NRXN3: variants seen among roughly 807,000 people sequenced by gnomAD.
NRXN3 encodes the protein neurexin III.
Under a neutral mutation model 137.6 loss-of-function variants are expected in NRXN3, and 32 were observed. That is an observed-to-expected ratio of 0.23 (90% CI 0.18 to 0.31). The LOEUF is 0.31. Among genes scored for constraint, NRXN3 ranks in the 10% least tolerant of loss-of-function variants. The pLI is 1.00. For missense variants in NRXN3, 1,574 were observed against 2,062.5 expected (o/e 0.76, Z 4.59); for synonymous variants, 798 against 784.5 (o/e 1.02, Z -0.29).
intron 20 of NRXN3, among the ~76,000 whole-genome samples, chr14:79,807,805 T>A (rs1475548294): frequency 6.6e-6 from 1 of 152,190 alleles, no homozygotes; most frequent in African/African-American, 2.4e-5. Context: ...AGAATGAGCA[T>A]TGCATTTTTC....
At chr14:79,745,274 C>T (rs2098976184) in intron 19 of NRXN3, among the ~76,000 whole-genome samples, 2 of 152,058 alleles carry the variant, frequency 1.3e-5, no homozygotes, top group Admixed American at 1.3e-4. Flanking sequence ...TATGCAAGAC[C>T]TTCTGTAGCT....
chr14:78,284,911 A>G (rs987627169), intron 3 of NRXN3, among the ~76,000 whole-genome samples: 5 of 152,316 alleles, frequency 3.3e-5, no homozygotes, highest in African/African-American at 9.6e-5. Context: ...CACTTCACCA[A>G]TGAAGAACCT....
At chr14:79,068,969 T>G (rs765141876) in intron 15 of NRXN3, among the ~76,000 whole-genome samples, 1 of 152,064 alleles carries the variant, frequency 6.6e-6, no homozygotes, top group Non-Finnish European at 1.5e-5. Context: ...GATTAACTTG[T>G]TAATACTAGC....
At chr14:78,415,284 G>T (rs559186861) in intron 4 of NRXN3, among the ~76,000 whole-genome samples, 10 of 152,296 alleles carry the variant, frequency 6.6e-5, no homozygotes, top group African/African-American at 2.4e-4. Context: ...GTCTTTACCA[G>T]TTATTTTAAT....
intron 15 of NRXN3, among the ~76,000 whole-genome samples, chr14:79,261,849 G>A (rs2077652685): frequency 6.6e-6 from 1 of 152,078 alleles, no homozygotes; most frequent in African/African-American, 2.4e-5. Flanking sequence ...GAGGGGCTCT[G>A]GGACTTTGAG....
chr14:78,632,276 G>C (rs1041250684), intron 4 of NRXN3, among the ~76,000 whole-genome samples: 1 of 152,082 alleles, frequency 6.6e-6, no homozygotes, highest in Non-Finnish European at 1.5e-5. Context: ...ATACCTCTAA[G>C]TTTTTGCTGA....
At chr14:79,224,885 A>G (rs1169540755) in intron 15 of NRXN3, among the ~76,000 whole-genome samples, 1 of 152,216 alleles carries the variant, frequency 6.6e-6, no homozygotes, top group Admixed American at 6.5e-5. Context: ...GACTATGGCC[A>G]TGCTCACATC....
At chr14:79,674,835 A>T (rs2098631908) in intron 17 of NRXN3, among the ~76,000 whole-genome samples, 1 of 152,070 alleles carries the variant, frequency 6.6e-6, no homozygotes, top group Non-Finnish European at 1.5e-5. Flanking sequence ...CATTAGAGAA[A>T]TGTGTTTTTC....
chr14:79,295,419 C>G (rs990534481), intron 15 of NRXN3, among the ~76,000 whole-genome samples: 16 of 152,096 alleles, frequency 1.1e-4, no homozygotes, highest in African/African-American at 3.9e-4. Flanking sequence ...AAATAAAAAG[C>G]ACTCTTTCAA....
chr14:79,267,802 T>C (rs1296442891), intron 15 of NRXN3, among the ~76,000 whole-genome samples: 1 of 152,184 alleles, frequency 6.6e-6, no homozygotes, highest in African/African-American at 2.4e-5. Context: ...ATCACAACTA[T>C]TGGGAGTATT....
At chr14:78,839,071 C>G (rs540472920) in intron 10 of NRXN3, among the ~76,000 whole-genome samples, 1 of 152,222 alleles carries the variant, frequency 6.6e-6, no homozygotes, top group East Asian at 1.9e-4. Context: ...GTGCTAGAGA[C>G]AGATACTAAA....
At chr14:78,370,297 A>G (rs541945281) in intron 4 of NRXN3, among the ~76,000 whole-genome samples, 1 of 123,220 alleles carries the variant, frequency 8.1e-6, no homozygotes, top group East Asian at 2.4e-4. Context: ...AGAATTTCCC[A>G]ATTTTACTGA....
intron 6 of NRXN3, among the ~76,000 whole-genome samples, chr14:78,666,359 C>A (rs542606137): frequency 6.6e-6 from 1 of 151,780 alleles, no homozygotes; most frequent in Non-Finnish European, 1.5e-5. Flanking sequence ...TTCCAGGAGA[C>A]GGTAGGGAAA....
intron 20 of NRXN3, among the ~76,000 whole-genome samples, chr14:79,859,041 G>A (rs1404546067): frequency 1.3e-5 from 2 of 150,116 alleles, no homozygotes; most frequent in South Asian, 4.2e-4. Flanking sequence ...TGAATCTTTG[G>A]CAAATCTGCA....
chr14:79,667,206 G>A (rs563984962), intron 17 of NRXN3, among the ~76,000 whole-genome samples: 1 of 152,150 alleles, frequency 6.6e-6, no homozygotes, highest in Non-Finnish European at 1.5e-5. Context: ...CTACAAAAAT[G>A]TGTCCTTTTG....
At chr14:79,371,623 A>G (rs565631000) in intron 15 of NRXN3, among the ~76,000 whole-genome samples, 38 of 152,310 alleles carry the variant, frequency 2.5e-4, no homozygotes, top group Admixed American at 2.6e-4. Flanking sequence ...TTGATATTTA[A>G]TAGATCAAAT....
chr14:79,627,163 T>A (rs1263729357), intron 16 of NRXN3, among the ~76,000 whole-genome samples: 1 of 152,212 alleles, frequency 6.6e-6, no homozygotes, highest in Non-Finnish European at 1.5e-5. Flanking sequence ...TGTGGACCAG[T>A]TGAATAGTGA....
At chr14:79,176,728 TATC>T (rs1266712872) in intron 15 of NRXN3, among the ~76,000 whole-genome samples, 1 of 152,242 alleles carries the variant, frequency 6.6e-6, no homozygotes, top group Non-Finnish European at 1.5e-5. Flanking sequence ...GCCCTCATAA[TATC>T]ATTTTTAACT....
rs185708204 is a variant in NRXN3 at position 79,361,060 on chromosome 14, G to A, written c.3263-106161G>A. 2.6e-5 allele frequency among the ~76,000 whole-genome samples: 4 copies of A among 152,202 alleles called. No homozygotes were observed. In the East Asian group the frequency reaches 5.8e-4, roughly 22 times the overall value. On this transcript the variant is annotated intron_variant, in intron 15 of 20. Coordinates refer to ENST00000335750, the MANE Select transcript of NRXN3 (RefSeq NM_001330195.2). ...ATTAAAGCTGTTAGCTATGATGAAGGCAGGGTGATTTTTCTCTGAAGGGTA... is the reference window on the plus strand; with the variant it reads ...ATTAAAGCTGTTAGCTATGATGAAGACAGGGTGATTTTTCTCTGAAGGGTA...
Sources: allele counts gnomAD v4.1 joint callset (sites outside exome capture counted in the v4.1 genomes callset), GRCh38; gene constraint gnomAD v4.1.1; transcripts MANE v1.5; gene names NCBI Gene and HGNC (gene_info 2026-07-23, HGNC 2026-07-21).